TMEM164: variants seen among roughly 807,000 people sequenced by gnomAD.
The protein encoded by TMEM164 is RP13-360B22.2.
TMEM164 carries 4 observed loss-of-function variants against 18.8 expected under a neutral mutation model. That is an observed-to-expected ratio of 0.21 (90% CI 0.10 to 0.49). The LOEUF (loss-of-function observed/expected upper bound fraction) is 0.49. Among genes scored for constraint, TMEM164 ranks in the 20% least tolerant of loss-of-function variants. The pLI is 0.98. For missense variants in TMEM164, 108 were observed against 239.9 expected (o/e 0.45, Z 3.63); for synonymous variants, 86 against 101.7 (o/e 0.85, Z 0.93).
chrX:110,178,429 G>A (rs972876603), downstream of TMEM164, among the ~76,000 whole-genome samples: 1 of 112,126 alleles, frequency 8.9e-6, no homozygotes, highest in Non-Finnish European at 1.9e-5. Context: ...GAAAGAGGCT[G>A]GTGGGGAGGA....
intron 4 of TMEM164, among the ~76,000 whole-genome samples, chrX:110,119,071 AT>A (rs778320152): frequency 6.4e-5 from 7 of 110,121 alleles, no homozygotes; most frequent in East Asian, 2.8e-4. Context: ...TTCCAGGAGA[AT>A]TTTTTTTTCA....
chrX:110,003,426 C>G, intron 1 of TMEM164, 75 bp from the exon 2 acceptor site: 1 of 178,301 alleles, frequency 5.6e-6, no homozygotes. Context: ...CTAGTTACCC[C>G]TCCCGCTTCC....
At chrX:110,058,904 T>G (rs904945893) in intron 2 of TMEM164, among the ~76,000 whole-genome samples, 4 of 110,038 alleles carry the variant, frequency 3.6e-5, no homozygotes, top group African/African-American at 9.9e-5. Context: ...GTGCTGGGAT[T>G]ACAGGTGTGA....
intron 3 of TMEM164, among the ~76,000 whole-genome samples, chrX:110,075,167 C>T (rs1207069840): frequency 2.7e-5 from 3 of 111,469 alleles, no homozygotes; most frequent in Non-Finnish European, 5.7e-5. Flanking sequence ...TCGTAAAGAT[C>T]TTTCATCTCC....
At chrX:110,054,025 T>G (rs1458521951) in intron 2 of TMEM164, among the ~76,000 whole-genome samples, 1 of 111,597 alleles carries the variant, frequency 9.0e-6, no homozygotes, top group Admixed American at 9.5e-5. Flanking sequence ...AGATAAATTA[T>G]CTTATGGTGG....
intron 3 of TMEM164, among the ~76,000 whole-genome samples, chrX:110,067,673 A>C (rs1346828566): frequency 1.8e-5 from 2 of 112,295 alleles, no homozygotes; most frequent in Non-Finnish European, 3.8e-5. Flanking sequence ...TGCCCTGCTA[A>C]AATTTCTCTT....
At chrX:110,117,273 C>T (rs1259914363) in intron 4 of TMEM164, among the ~76,000 whole-genome samples, 1 of 112,237 alleles carries the variant, frequency 8.9e-6, no homozygotes, top group Non-Finnish European at 1.9e-5. Flanking sequence ...GTTTGGTCTT[C>T]TTCTCTCCTA....
chrX:110,038,051 C>G (rs1413064461), intron 2 of TMEM164, among the ~76,000 whole-genome samples: 2 of 93,439 alleles, frequency 2.1e-5, no homozygotes, highest in East Asian at 6.6e-4. Context: ...AGTGCAGTGG[C>G]AGGATCTCGG....
intron 6 of TMEM164, among the ~76,000 whole-genome samples, chrX:110,172,389 G>A (rs531739771): frequency 7.1e-5 from 8 of 112,042 alleles, no homozygotes; most frequent in Non-Finnish European, 1.3e-4. Flanking sequence ...GGAGCCTCGC[G>A]TGACCTAGCA....
At chrX:110,143,964 C>G (rs746949986) in intron 4 of TMEM164, among the ~76,000 whole-genome samples, 77 of 112,024 alleles carry the variant, frequency 6.9e-4, no homozygotes, top group Non-Finnish European at 1.1e-3. Flanking sequence ...CGCTGCGAAG[C>G]TCTACAGCAG....
intron 4 of TMEM164, among the ~76,000 whole-genome samples, chrX:110,118,167 C>T (rs905620593): frequency 4.4e-5 from 5 of 112,516 alleles, no homozygotes; most frequent in African/African-American, 6.5e-5. Flanking sequence ...CCTGCCTTGG[C>T]CTCCCAAAGT....
At chrX:110,110,514 A>G (rs1479387759) in intron 4 of TMEM164, among the ~76,000 whole-genome samples, 1 of 112,425 alleles carries the variant, frequency 8.9e-6, no homozygotes, top group Non-Finnish European at 1.9e-5. Context: ...GATCTGTGAT[A>G]AAGCCTGAGC....
chrX:110,017,482 C>T (rs1933491720), intron 2 of TMEM164, among the ~76,000 whole-genome samples: 2 of 2,786 alleles, frequency 7.2e-4, no homozygotes, highest in Non-Finnish European at 2.4e-3. Flanking sequence ...TTCCCTCCCT[C>T]CCTCCCTCCC....
chrX:110,057,812 A>G (rs1935917858), intron 2 of TMEM164, among the ~76,000 whole-genome samples: 1 of 111,304 alleles, frequency 9.0e-6, no homozygotes, highest in Non-Finnish European at 1.9e-5. Context: ...ATGTCTATTC[A>G]GATCCTTTGC....
intron 2 of TMEM164, among the ~76,000 whole-genome samples, chrX:110,037,789 A>AATC: frequency 8.9e-6 from 1 of 111,905 alleles, no homozygotes; most frequent in East Asian, 2.8e-4. Flanking sequence ...GAATATTTTC[A>AATC]ATCTCATTTT....
chrX:110,143,810 T>G (rs898408242), intron 4 of TMEM164, among the ~76,000 whole-genome samples: 28 of 109,748 alleles, frequency 2.6e-4, no homozygotes, highest in African/African-American at 8.6e-4. Context: ...TTGGGGTGTG[T>G]GTGTGTGTGT....
rs778319370 is a variant in TMEM164 at position 110,126,345 on chromosome X, A to AC, written c.507+17202dup. Among the ~76,000 whole-genome samples the AC allele has an allele frequency of 1.5e-4, 17 of 111,913 alleles. No homozygotes were observed. In the South Asian group the frequency reaches 1.9e-3, roughly 12 times the overall value. ...CAGTAAGTCTCAAAGCAGGAGGAACACCCACCTCTGGACTCACAGCATCTC... is the reference window on the plus strand; with the variant it reads ...CAGTAAGTCTCAAAGCAGGAGGAACACCCCACCTCTGGACTCACAGCATCTC... On this transcript the variant is annotated intron_variant, in intron 4 of 6. Transcript: ENST00000372068.
chrX:110,007,618 G>A (rs1268912232), intron 2 of TMEM164, among the ~76,000 whole-genome samples: 1 of 112,297 alleles, frequency 8.9e-6, no homozygotes, highest in Non-Finnish European at 1.9e-5. Flanking sequence ...AGCTGCCACA[G>A]TGGGAATCTG....
At chrX:110,022,685 ACATAACATGTATT>A (rs1417460004) in intron 2 of TMEM164, among the ~76,000 whole-genome samples, 1 of 112,348 alleles carries the variant, frequency 8.9e-6, no homozygotes, top group African/African-American at 3.2e-5. Context: ...AATCTAGATC[ACATAACATGTATT>A]AAGCAATTAC....
Sources: allele counts gnomAD v4.1 joint callset (sites outside exome capture counted in the v4.1 genomes callset), GRCh38; gene constraint gnomAD v4.1.1; transcripts MANE v1.5; gene names NCBI Gene and HGNC (gene_info 2026-07-23, HGNC 2026-07-21).